Variants in AGBL1 observed in about 807,000 individuals in gnomAD.
AGBL1 encodes the protein cytosolic carboxypeptidase 4.
A neutral mutation model predicts 118.9 loss-of-function variants in AGBL1; 130 were observed. The observed-to-expected ratio is 1.09, with a 90% confidence interval of 0.95 to 1.26. AGBL1 has a LOEUF of 1.26. AGBL1 is among the 50% of genes most tolerant of loss of function. The pLI is 0.00. For missense variants in AGBL1, 1,584 were observed against 1,298.1 expected (o/e 1.22, Z -3.38); for synonymous variants, 555 against 478.9 (o/e 1.16, Z -2.08).
chr15:86,279,270 G>A (rs556924334), intron 15 of AGBL1, among the ~76,000 whole-genome samples: 11 of 152,292 alleles, frequency 7.2e-5, no homozygotes, highest in African/African-American at 2.4e-4. Context: ...CCAAATTTGG[G>A]TGATAAAGTT....
intron 5 of AGBL1, among the ~76,000 whole-genome samples, chr15:86,190,511 C>T (rs2077702202): frequency 6.6e-6 from 1 of 151,946 alleles, no homozygotes; most frequent in Non-Finnish European, 1.5e-5. Context: ...CTGTTTGGTA[C>T]AGCCGTGTCT....
At chr15:86,193,451 A>C (rs1339629862) in intron 5 of AGBL1, among the ~76,000 whole-genome samples, 2 of 152,272 alleles carry the variant, frequency 1.3e-5, no homozygotes, top group East Asian at 3.9e-4. Flanking sequence ...GGCAAACTGA[A>C]GGTGTCACTC....
rs2080619578 is a variant in AGBL1, at chr15:86,932,677, G to A, written c.3222-55310G>A. On this transcript the variant is annotated intron_variant, in intron 23 of 24. Coordinates refer to the AGBL1 transcript ENST00000441037. ...TTGTATTTTTTTCCAAAATCGCTTT[G>A]CAATGACATCAACTATGGCTGACTC... Among the ~76,000 whole-genome samples the A allele has an allele frequency of 2.6e-5, 4 of 152,092 alleles. No individual in the cohort carries two copies. The South Asian group carries it at 8.3e-4, about 32-fold the overall frequency.
chr15:86,701,740 T>TCCTTCCTTTCACTCCTTTCC (rs969749534), intron 22 of AGBL1, among the ~76,000 whole-genome samples: 1 of 133,996 alleles, frequency 7.5e-6, no homozygotes, highest in Admixed American at 7.8e-5. Context: ...CACTCCTCTC[T>TCCTTCCTTTCACTCCTTTCC]CCTTCCTTTC....
chr15:86,215,703 T>G (rs954268548), intron 5 of AGBL1, among the ~76,000 whole-genome samples: 1 of 152,218 alleles, frequency 6.6e-6, no homozygotes, highest in South Asian at 2.1e-4. Context: ...GAGAAGTAAC[T>G]GAGCTAGTAT....
intron 22 of AGBL1, among the ~76,000 whole-genome samples, chr15:86,806,524 C>A (rs753531305): frequency 1.4e-4 from 21 of 152,108 alleles, no homozygotes; most frequent in Non-Finnish European, 2.1e-4. Context: ...TAGTTCAAGA[C>A]AAGGACTTCG....
intron 17 of AGBL1, among the ~76,000 whole-genome samples, chr15:86,382,251 G>A (rs918932009): frequency 5.9e-5 from 9 of 152,198 alleles, no homozygotes; most frequent in African/African-American, 2.2e-4. Flanking sequence ...AGACCCGCAG[G>A]AAGGTTTTAG....
chr15:86,689,299 C>T (rs2086119801), intron 22 of AGBL1, among the ~76,000 whole-genome samples: 1 of 152,084 alleles, frequency 6.6e-6, no homozygotes, highest in African/African-American at 2.4e-5. Flanking sequence ...CTTTTCATGA[C>T]CACATTGCCT....
intron 17 of AGBL1, among the ~76,000 whole-genome samples, chr15:86,319,743 G>GGTTTTTTTT: frequency 2.1e-5 from 1 of 47,254 alleles, no homozygotes; most frequent in East Asian, 8.1e-4. Flanking sequence ...CTCTTTGGTA[G>GGTTTTTTTT]TTTTTTTTTT....
chr15:86,084,195 A>G (rs573085851), intron 1 of AGBL1, among the ~76,000 whole-genome samples: 2 of 152,250 alleles, frequency 1.3e-5, no homozygotes, highest in Non-Finnish European at 2.9e-5. Context: ...GTGACAATCA[A>G]CCTGGGTAGA....
At chr15:87,003,578 T>C (rs1202932890) in intron 24 of AGBL1, among the ~76,000 whole-genome samples, 1 of 152,186 alleles carries the variant, frequency 6.6e-6, no homozygotes, top group Non-Finnish European at 1.5e-5. Context: ...GTACCTCTAG[T>C]AGAATTCAGC....
At chr15:86,986,748 A>C (rs2081287803) in intron 23 of AGBL1, among the ~76,000 whole-genome samples, 1 of 152,148 alleles carries the variant, frequency 6.6e-6, no homozygotes, top group African/African-American at 2.4e-5. Context: ...GCAGTGTCCA[A>C]ATCTTGTACC....
intron 3 of AGBL1, among the ~76,000 whole-genome samples, chr15:86,148,222 T>C (rs1314196399): frequency 6.6e-6 from 1 of 152,208 alleles, no homozygotes; most frequent in East Asian, 1.9e-4. Flanking sequence ...GCATCTCTTC[T>C]CTTCCAAAGG....
intron 22 of AGBL1, among the ~76,000 whole-genome samples, chr15:86,782,294 A>G (rs1029930893): frequency 6.6e-6 from 1 of 152,264 alleles, no homozygotes; most frequent in African/African-American, 2.4e-5. Context: ...ACTATTTTCC[A>G]TATATAATGT....
At chr15:86,229,478 C>A (rs1037270260) in intron 6 of AGBL1, among the ~76,000 whole-genome samples, 1 of 152,306 alleles carries the variant, frequency 6.6e-6, no homozygotes, top group Admixed American at 6.5e-5. Flanking sequence ...TCAATTACCT[C>A]CCACCAGGTC....
intron 21 of AGBL1, among the ~76,000 whole-genome samples, chr15:86,623,471 T>C (rs10520634): frequency 0.094 from 14,359 of 152,238 alleles, 797 homozygotes; most frequent in African/African-American, 0.1. Flanking sequence ...TATGCAGAAC[T>C]TTTGCCTCGT....
intron 18 of AGBL1, among the ~76,000 whole-genome samples, chr15:86,472,969 G>C (rs562210176): frequency 1.8e-4 from 27 of 152,106 alleles, no homozygotes; most frequent in Admixed American, 4.6e-4. Context: ...CAGAATCAAA[G>C]TTTAATCACA....
intron 18 of AGBL1, among the ~76,000 whole-genome samples, chr15:86,454,466 C>T (rs909704012): frequency 1.6e-4 from 25 of 152,140 alleles, no homozygotes; most frequent in African/African-American, 4.6e-4. Context: ...AGCAGTTGTA[C>T]TCATAATCAC....
intron 18 of AGBL1, among the ~76,000 whole-genome samples, chr15:86,473,143 C>G (rs946267005): frequency 6.6e-6 from 1 of 152,054 alleles, no homozygotes; most frequent in African/African-American, 2.4e-5. Flanking sequence ...AATTTTGTAG[C>G]ATTTAGGTTT....
Sources: allele counts gnomAD v4.1 joint callset (sites outside exome capture counted in the v4.1 genomes callset), GRCh38; gene constraint gnomAD v4.1.1; transcripts MANE v1.5; gene names NCBI Gene and HGNC (gene_info 2026-07-23, HGNC 2026-07-21).